FUT8: variants seen among roughly 807,000 people sequenced by gnomAD.
FUT8 encodes fucosyltransferase 8.
Under a neutral mutation model 71.3 loss-of-function variants are expected in FUT8, and 29 were observed. That is an observed-to-expected ratio of 0.41 (90% CI 0.30 to 0.55). The LOEUF is 0.55. FUT8 is among the 20% of genes least tolerant of loss of function. FUT8 has a pLI of 0.34. For synonymous variants in FUT8, 254 were observed against 239.3 expected (o/e 1.06, Z -0.57); for missense variants, 544 against 702.1 (o/e 0.77, Z 2.55).
intron 3 of FUT8, among the ~76,000 whole-genome samples, chr14:65,582,831 A>T (rs1472361015): frequency 1.3e-5 from 2 of 152,344 alleles, no homozygotes; most frequent in South Asian, 4.1e-4. Flanking sequence ...TGAATGAATG[A>T]GCCCAGTTGA....
intron 2 of FUT8, among the ~76,000 whole-genome samples, chr14:65,503,837 A>C (rs892632582): frequency 3.3e-5 from 5 of 152,250 alleles, no homozygotes; most frequent in Non-Finnish European, 7.3e-5. Flanking sequence ...GATTCAGGGG[A>C]TTCCTACAGA....
At chr14:65,595,267 G>C (rs1396615599) in intron 3 of FUT8, among the ~76,000 whole-genome samples, 1 of 152,164 alleles carries the variant, frequency 6.6e-6, no homozygotes, top group South Asian at 2.1e-4. Context: ...ATGAGAGGAT[G>C]TAATAATCAG....
intron 3 of FUT8, among the ~76,000 whole-genome samples, chr14:65,581,268 A>G (rs1416471757): frequency 6.6e-6 from 1 of 152,158 alleles, no homozygotes; most frequent in Admixed American, 6.5e-5. Flanking sequence ...CCACTGTCCT[A>G]AAGTACAATA....
intron 3 of FUT8, among the ~76,000 whole-genome samples, chr14:65,595,792 GTA>G (rs1384998779): frequency 6.6e-6 from 1 of 151,844 alleles, no homozygotes. Context: ...TGTATTTTTA[GTA>G]GAGACGGGGT....
At position 65,629,579 on chromosome 14, in the gene FUT8, G is replaced by A. The variant is rs35137471; in HGVS notation, c.570G>A (p.Leu190=). ...REKEAKDLTE[L]VQRRITYLQN... is the part of the protein sequence containing the mutation. ...AAGAGGCCAAAGATCTGACAGAACT[G>A]GTTCAGCGGAGAATAACATATCTTC... Residue 190 remains leucine, a synonymous_variant, in exon 6 of 11, where the codon CTG becomes CTA. Transcript: ENST00000673929. The A allele has an allele frequency of 0.024, 38,208 of 1,613,110 alleles. 909 individuals carry two copies. The highest frequency in any genetic ancestry group is 0.12 in the Admixed American group (7,333 of 59,994).
At chr14:65,491,165 A>G (rs910238646) in intron 2 of FUT8, among the ~76,000 whole-genome samples, 9 of 152,292 alleles carry the variant, frequency 5.9e-5, no homozygotes, top group Middle Eastern at 3.4e-3. Flanking sequence ...CATTAAAATA[A>G]TACATCAATG....
At chr14:65,632,884 G>C (rs758554744) in intron 6 of FUT8, among the ~76,000 whole-genome samples, 1 of 152,020 alleles carries the variant, frequency 6.6e-6, no homozygotes, top group African/African-American at 2.4e-5. Context: ...ATCTTGAGTT[G>C]ATTTTTGTAT....
At chr14:65,586,959 C>T (rs1256512352) in intron 3 of FUT8, among the ~76,000 whole-genome samples, 2 of 151,984 alleles carry the variant, frequency 1.3e-5, no homozygotes, top group East Asian at 1.9e-4. Context: ...GAGGCCGAGG[C>T]GGGTGGATCA....
At chr14:65,700,982 G>T (rs78146855) in intron 7 of FUT8, among the ~76,000 whole-genome samples, 2,256 of 152,252 alleles carry the variant, frequency 0.015, 30 homozygotes, top group Non-Finnish European at 0.026. Flanking sequence ...TTAGTGATCT[G>T]TTGAATTAAC....
intron 5 of FUT8, among the ~76,000 whole-genome samples, chr14:65,617,494 G>A (rs117018725): frequency 0.011 from 1,606 of 152,232 alleles, 15 homozygotes; most frequent in Non-Finnish European, 0.017. Context: ...TTCTAGGCAC[G>A]AAGCATCTCT....
intron 3 of FUT8, among the ~76,000 whole-genome samples, chr14:65,594,664 AT>A (rs1887870138): frequency 2.0e-5 from 3 of 152,192 alleles, no homozygotes; most frequent in Non-Finnish European, 2.9e-5. Flanking sequence ...AGAGAATTTT[AT>A]TGAGTCGTGA....
At chr14:65,547,579 A>G (rs1055428099) in intron 2 of FUT8, among the ~76,000 whole-genome samples, 1 of 151,834 alleles carries the variant, frequency 6.6e-6, no homozygotes, top group African/African-American at 2.4e-5. Flanking sequence ...CATCATTTAC[A>G]TTCAAGTTTC....
intron 8 of FUT8, among the ~76,000 whole-genome samples, chr14:65,723,366 G>A (rs1006146034): frequency 6.6e-6 from 1 of 151,990 alleles, no homozygotes; most frequent in Non-Finnish European, 1.5e-5. Context: ...GATGGGAGGA[G>A]AGAGGAGAAA....
chr14:65,602,935 T>A (rs932242304), intron 3 of FUT8, among the ~76,000 whole-genome samples: 4 of 152,008 alleles, frequency 2.6e-5, no homozygotes, highest in African/African-American at 7.2e-5. Flanking sequence ...AGAGATTTTT[T>A]TCCCACTCTG....
intron 2 of FUT8, among the ~76,000 whole-genome samples, chr14:65,484,465 T>C (rs770234347): frequency 4.6e-5 from 7 of 152,138 alleles, no homozygotes; most frequent in Non-Finnish European, 1.0e-4. Context: ...ATTTTGAATT[T>C]TGTCAGTTTT....
rs558385054 is a variant in FUT8, at chr14:65,638,950, A to G, written c.597+9344A>G. ...CATTAAAATATTTGCTAAATATTTA[A>G]TACAACTGGGATGGGCAGAAACCTT... is the stretch of plus-strand genomic sequence containing the variant. On this transcript the variant is annotated intron_variant, in intron 6 of 10. Transcript: ENST00000673929. The surrounding 1 kb of genome is among the most constrained non-coding windows in gnomAD (Gnocchi z 4.5). Among the ~76,000 whole-genome samples, 2 of 152,354 alleles carry G rather than the reference A, an allele frequency of 1.3e-5. No homozygotes were observed. Among genetic ancestry groups the G allele is most frequent in the South Asian group, 4.1e-4 (2 of 4,826 alleles).
chr14:65,438,547 A>T (rs899492073), intron 1 of FUT8, among the ~76,000 whole-genome samples: 19 of 152,230 alleles, frequency 1.2e-4, no homozygotes, highest in African/African-American at 4.6e-4. Context: ...GGATGGTAGA[A>T]TGGAGAGCTG....
chr14:65,585,817 T>C (rs775612969), intron 3 of FUT8, among the ~76,000 whole-genome samples: 76 of 152,214 alleles, frequency 5.0e-4, no homozygotes, highest in Admixed American at 7.2e-4. Flanking sequence ...TCAGGCTGCC[T>C]TGCCCCAGAA....
intron 1 of FUT8, among the ~76,000 whole-genome samples, chr14:65,445,048 A>G (rs2065718142): frequency 6.6e-6 from 1 of 152,142 alleles, no homozygotes; most frequent in African/African-American, 2.4e-5. Context: ...TACTAAAAAT[A>G]CAAAAAAAAT....
Sources: gnomAD v4.1 joint callset for allele counts (sites outside exome capture counted in the v4.1 genomes callset) on GRCh38, gnomAD v4.1.1 for gene constraint, Gnocchi (gnomAD v3.1) non-coding constraint, MANE v1.5 for transcripts, NCBI Gene and HGNC (gene_info 2026-07-23, HGNC 2026-07-21) for gene names.